The following ACOXL variants were observed in gnomAD, a reference collection of about 807,000 sequenced individuals.
ACOXL encodes acyl-CoA oxidase like, also known as acyl-coenzyme A oxidase-like protein.
In ACOXL, 70 loss-of-function variants were observed where a neutral mutation model predicts 71.9. That is an observed-to-expected ratio of 0.97 (90% CI 0.80 to 1.19). The LOEUF is 1.19. Ranked by LOEUF, ACOXL falls within the 50% of genes most tolerant of loss-of-function variation. ACOXL has a pLI of 0.00. For synonymous variants in ACOXL, 253 were observed against 281.6 expected (o/e 0.90, Z 1.02); for missense variants, 703 against 736.3 (o/e 0.95, Z 0.52).
In ACOXL at chr2:110,755,824, C is replaced by G. The variant is rs796252274; in HGVS notation, c.-22-12544C>G. On this transcript the variant is annotated intron_variant, in intron 1 of 17. Coordinates refer to ENST00000439055, the MANE Select transcript of ACOXL (RefSeq NM_001142807.4). ...AGCATAAAAAAATAGAGTACTGTTT[C>G]CCATCTACTGAATTTTCCCACCTCC... is the stretch of plus-strand genomic sequence containing the variant. 7.2e-5 allele frequency among the ~76,000 whole-genome samples: 11 copies of G among 152,142 alleles called. No individual in the cohort carries two copies. The East Asian group carries it at 1.4e-3, about 19-fold the overall frequency.
intron 12 of ACOXL, among the ~76,000 whole-genome samples, chr2:110,966,821 A>C (rs1291371554): frequency 6.6e-6 from 1 of 152,232 alleles, no homozygotes; most frequent in African/African-American, 2.4e-5. Flanking sequence ...TAGAGGGAAC[A>C]GAACTTGCCC....
chr2:110,810,236 G>A (rs183978680), intron 9 of ACOXL, among the ~76,000 whole-genome samples: 2 of 152,244 alleles, frequency 1.3e-5, no homozygotes, highest in African/African-American at 4.8e-5. Context: ...CTTTTTGCTT[G>A]GAGGTCATCT....
intron 1 of ACOXL, among the ~76,000 whole-genome samples, chr2:110,767,695 A>G (rs1391127255): frequency 5.9e-5 from 9 of 152,152 alleles, no homozygotes; most frequent in Admixed American, 5.9e-4. Flanking sequence ...TGCAACACGC[A>G]TGTCACTCCC....
At chr2:110,949,317 C>CT (rs5833378) in intron 12 of ACOXL, among the ~76,000 whole-genome samples, 18,346 of 152,162 alleles carry the variant, frequency 0.12, 1,265 homozygotes, top group Middle Eastern at 0.17. Context: ...ACTGTGACAA[C>CT]TTTATCAGCC....
At chr2:111,068,109 G>A (rs1336834116) in intron 16 of ACOXL, among the ~76,000 whole-genome samples, 1 of 152,226 alleles carries the variant, frequency 6.6e-6, no homozygotes, top group Non-Finnish European at 1.5e-5. Context: ...AAACAGAGGA[G>A]GCGAATGGGG....
intron 11 of ACOXL, among the ~76,000 whole-genome samples, chr2:110,913,697 C>G (rs1000807468): frequency 6.6e-6 from 1 of 152,168 alleles, no homozygotes; most frequent in South Asian, 2.1e-4. Flanking sequence ...GCTCATAATT[C>G]TGCAGGCTAT....
intron 10 of ACOXL, among the ~76,000 whole-genome samples, chr2:110,865,423 G>T (rs1694465546): frequency 6.6e-6 from 1 of 152,174 alleles, no homozygotes; most frequent in Non-Finnish European, 1.5e-5. Flanking sequence ...ACTATGGCCT[G>T]ATTTCACATT....
At chr2:110,745,127 C>T (rs1678039130) in intron 1 of ACOXL, among the ~76,000 whole-genome samples, 1 of 152,172 alleles carries the variant, frequency 6.6e-6, no homozygotes. Context: ...GTTGCAGAGT[C>T]AGAAATGCAG....
intron 7 of ACOXL, 54 bp downstream of exon 7, chr2:110,799,154 C>A: frequency 6.5e-7 from 1 of 1,540,264 alleles, no homozygotes; most frequent in South Asian, 1.1e-5. Context: ...TGCTCCCCAC[C>A]TGACTCAAGG....
At chr2:111,055,697 A>G (rs148547538) in intron 16 of ACOXL, among the ~76,000 whole-genome samples, 5 of 152,352 alleles carry the variant, frequency 3.3e-5, no homozygotes, top group South Asian at 2.1e-4. Context: ...CTCCACATGG[A>G]AAAAAGGGGA....
intron 2 of ACOXL, among the ~76,000 whole-genome samples, chr2:110,778,690 A>G (rs558246274): frequency 1.3e-5 from 2 of 152,336 alleles, no homozygotes; most frequent in African/African-American, 4.8e-5. Flanking sequence ...ATGGCATAAC[A>G]CGTGGTAAGT....
At chr2:110,751,958 A>G (rs1679025495) in intron 1 of ACOXL, among the ~76,000 whole-genome samples, 1 of 152,242 alleles carries the variant, frequency 6.6e-6, no homozygotes, top group South Asian at 2.1e-4. Flanking sequence ...GCTAAGTGAA[A>G]GAAGCCAGAC....
At chr2:110,929,416 A>G (rs1304935691) in intron 11 of ACOXL, among the ~76,000 whole-genome samples, 1 of 152,234 alleles carries the variant, frequency 6.6e-6, no homozygotes, top group Admixed American at 6.5e-5. Context: ...GCAGCAAGGC[A>G]TTCAAGAGAT....
At chr2:110,856,567 A>G (rs969649086) in intron 10 of ACOXL, among the ~76,000 whole-genome samples, 13 of 152,362 alleles carry the variant, frequency 8.5e-5, no homozygotes, top group South Asian at 4.1e-4. Flanking sequence ...ATCTACAGAA[A>G]GAAGGAGTCT....
At chr2:110,861,635 C>A (rs900593016) in intron 10 of ACOXL, among the ~76,000 whole-genome samples, 1 of 152,200 alleles carries the variant, frequency 6.6e-6, no homozygotes, top group African/African-American at 2.4e-5. Context: ...AATTTCAAAA[C>A]ACGGGGTTAA....
At chr2:111,083,154 C>T (rs866581861) in intron 16 of ACOXL, among the ~76,000 whole-genome samples, 8 of 152,038 alleles carry the variant, frequency 5.3e-5, no homozygotes, top group South Asian at 2.1e-4. Context: ...GCACATTCTG[C>T]GCATGTATCC....
chr2:110,964,327 T>C (rs1041733830), intron 12 of ACOXL, among the ~76,000 whole-genome samples: 8 of 152,224 alleles, frequency 5.3e-5, no homozygotes, highest in African/African-American at 1.7e-4. Context: ...ATAGGAAAAT[T>C]ATTATACAGT....
intron 5 of ACOXL, among the ~76,000 whole-genome samples, chr2:110,795,264 T>G (rs1685153592): frequency 6.6e-6 from 1 of 152,224 alleles, no homozygotes; most frequent in Admixed American, 6.5e-5. Context: ...GAATGACAGA[T>G]GCAGGGGCGG....
At chr2:111,008,307 T>A (rs1238526471) in intron 14 of ACOXL, among the ~76,000 whole-genome samples, 1 of 152,184 alleles carries the variant, frequency 6.6e-6, no homozygotes, top group East Asian at 1.9e-4. Context: ...TACACAAAAG[T>A]GTACTCAGAG....
Sources: gnomAD v4.1 joint callset for allele counts (sites outside exome capture counted in the v4.1 genomes callset) on GRCh38, gnomAD v4.1.1 for gene constraint, MANE v1.5 for transcripts, NCBI Gene and HGNC (gene_info 2026-07-23, HGNC 2026-07-21) for gene names.